Variants in NSUN6 observed in about 807,000 individuals in gnomAD.
NSUN6 encodes NOP2/Sun RNA methyltransferase 6, also known as tRNA (cytosine(72)-C(5))-methyltransferase NSUN6.
In NSUN6, 64 loss-of-function variants were observed where a neutral mutation model predicts 58.0. The ratio of observed to expected loss-of-function variants is 1.10; its 90% CI spans 0.90 to 1.36. NSUN6 has a LOEUF of 1.36. NSUN6 is among the 40% of genes most tolerant of loss of function. NSUN6 has a pLI of 0.00. For missense variants in NSUN6, 701 were observed against 550.1 expected, an observed-to-expected ratio of 1.27 and a Z score of -2.74; for synonymous variants, 231 against 193.9, an observed-to-expected ratio of 1.19 and a Z score of -1.59.
At chr10:18,551,244 TTGTGTGTGTGTGTGTGTGTGTGTGTGTG>T (rs35396134) in intron 9 of NSUN6, among the ~76,000 whole-genome samples, 1 of 127,080 alleles carries the variant, frequency 7.9e-6, no homozygotes, top group African/African-American at 3.0e-5. Context: ...GTCCTCTCAG[TTGTGTGTGTGTGTGTGTGTGTGTGTGTG>T]TGTGTGTGTG....
intron 8 of NSUN6, among the ~76,000 whole-genome samples, chr10:18,565,634 T>G (rs1268660947): frequency 6.6e-6 from 1 of 151,002 alleles, no homozygotes; most frequent in African/African-American, 2.4e-5. Flanking sequence ...CATTTTCCAT[T>G]CCATTCTCCA....
chr10:18,617,263 C>G (rs575234986), intron 3 of NSUN6, among the ~76,000 whole-genome samples: 94 of 149,684 alleles, frequency 6.3e-4, no homozygotes, highest in Non-Finnish European at 1.2e-3. Context: ...TCTTGGCTCA[C>G]TGCAACCTCT....
chr10:18,582,726 G>A (rs1333261100), intron 8 of NSUN6, among the ~76,000 whole-genome samples: 1 of 152,138 alleles, frequency 6.6e-6, no homozygotes, highest in African/African-American at 2.4e-5. Flanking sequence ...AACACAAAGA[G>A]CAGGGAAAGA....
chr10:18,651,854 G>A, upstream of NSUN6: 1 of 985,458 alleles, frequency 1.0e-6, no homozygotes, highest in Non-Finnish European at 1.2e-6. Context: ...AGGTGCCAGG[G>A]GCAATGGGGA....
chr10:18,622,132 C>G (rs1042916357), intron 3 of NSUN6, among the ~76,000 whole-genome samples: 4 of 152,102 alleles, frequency 2.6e-5, no homozygotes, highest in Non-Finnish European at 5.9e-5. Context: ...CCAAAATTCA[C>G]ATGCTGAAAC....
At chr10:18,626,410 T>C (rs1191957638) in intron 3 of NSUN6, among the ~76,000 whole-genome samples, 1 of 152,138 alleles carries the variant, frequency 6.6e-6, no homozygotes, top group Admixed American at 6.6e-5. Flanking sequence ...ACAAATTAGC[T>C]GGTAAAATTT....
chr10:18,580,158 C>G (rs1021970676), intron 8 of NSUN6, among the ~76,000 whole-genome samples: 1 of 152,154 alleles, frequency 6.6e-6, no homozygotes, highest in African/African-American at 2.4e-5. Flanking sequence ...AAAACAAAAA[C>G]AACCCTTTGA....
At chr10:18,579,915 A>G (rs4570480) in intron 8 of NSUN6, among the ~76,000 whole-genome samples, 7,374 of 152,254 alleles carry the variant, frequency 0.048, 273 homozygotes, top group Non-Finnish European at 0.077. Context: ...TTTGAAAAGA[A>G]TGGGAAGCAG....
chr10:18,630,517 T>C (rs1331293412), intron 3 of NSUN6, among the ~76,000 whole-genome samples: 2 of 150,634 alleles, frequency 1.3e-5, no homozygotes, highest in Non-Finnish European at 3.0e-5. Context: ...GCAAGACTAA[T>C]AAAGAAAAAA....
At chr10:18,600,959 T>TATATATATATATATATATAGAC in intron 6 of NSUN6, among the ~76,000 whole-genome samples, 1 of 64,926 alleles carries the variant, frequency 1.5e-5, no homozygotes. Flanking sequence ...TATATATATA[T>TATATATATATATATATATAGAC]ACATATATAT....
intron 8 of NSUN6, among the ~76,000 whole-genome samples, chr10:18,553,874 A>C (rs1179914212): frequency 6.6e-6 from 1 of 151,168 alleles, no homozygotes; most frequent in Non-Finnish European, 1.5e-5. Context: ...TGAAGATTGA[A>C]CTGGAATGCA....
intron 8 of NSUN6, among the ~76,000 whole-genome samples, chr10:18,576,207 A>G (rs1056388532): frequency 2.0e-5 from 3 of 152,138 alleles, no homozygotes; most frequent in Non-Finnish European, 2.9e-5. Context: ...TAGTATTAAC[A>G]TAACCAAGTC....
chr10:18,638,049 A>G (rs2059274487), intron 3 of NSUN6, among the ~76,000 whole-genome samples: 1 of 152,236 alleles, frequency 6.6e-6, no homozygotes, highest in Admixed American at 6.5e-5. Context: ...GTACAACTCT[A>G]GTTTTCACTT....
chr10:18,650,538 T>C (rs7095666), intron 1 of NSUN6, among the ~76,000 whole-genome samples: 1 of 152,024 alleles, frequency 6.6e-6, no homozygotes, highest in African/African-American at 2.4e-5. Context: ...ATGCAAATCA[T>C]GTGCCTGAGA....
At chr10:18,652,988 T>C, upstream of NSUN6, 1 of 984,990 alleles carries the variant, frequency 1.0e-6, no homozygotes, top group Non-Finnish European at 1.2e-6. Context: ...TCCTTGACCA[T>C]AGCATATTTC....
intron 7 of NSUN6, among the ~76,000 whole-genome samples, chr10:18,595,326 A>G (rs1374233144): frequency 6.6e-6 from 1 of 152,246 alleles, no homozygotes; most frequent in African/African-American, 2.4e-5. Flanking sequence ...CCCTTTGGAA[A>G]GACATTTTTA....
Position 18,596,194 on chromosome 10 carries a change from G to T in NSUN6, c.777+14C>A. 6.2e-7 allele frequency: 1 copy of T among 1,604,812 alleles called. No homozygotes were observed. Among genetic ancestry groups the T allele is most frequent in the Non-Finnish European group, 8.5e-7 (1 of 1,172,524 alleles). On this transcript the variant is annotated intron_variant, in intron 7 of 10. Coordinates refer to ENST00000377304, the MANE Select transcript of NSUN6 (RefSeq NM_182543.5). ...ACTACTTTGAGAGTGGATTTGCTGTGAAGACAGTCTCACCTGATCATGCAT... is the reference window on the plus strand; with the variant it reads ...ACTACTTTGAGAGTGGATTTGCTGTTAAGACAGTCTCACCTGATCATGCAT...
At chr10:18,619,514 A>G (rs1007180898) in intron 3 of NSUN6, among the ~76,000 whole-genome samples, 2 of 152,094 alleles carry the variant, frequency 1.3e-5, no homozygotes, top group African/African-American at 4.8e-5. Context: ...ACCCCCCAAT[A>G]ATAACTCACA....
chr10:18,650,694 A>C (rs1381313922), intron 1 of NSUN6, among the ~76,000 whole-genome samples: 1 of 152,242 alleles, frequency 6.6e-6, no homozygotes, highest in African/African-American at 2.4e-5. Context: ...AAAAACCTCT[A>C]AGAAAAAAAA....
Sources: gnomAD v4.1 joint callset for allele counts (sites outside exome capture counted in the v4.1 genomes callset) on GRCh38, gnomAD v4.1.1 for gene constraint, MANE v1.5 for transcripts, NCBI Gene and HGNC (gene_info 2026-07-23, HGNC 2026-07-21) for gene names.